LHX8: variants seen among roughly 807,000 people sequenced by gnomAD.
LHX8 encodes LIM/homeobox protein Lhx8.
Under a neutral mutation model 40.3 loss-of-function variants are expected in LHX8, and 12 were observed. The observed-to-expected ratio is 0.30, with a 90% CI of 0.19 to 0.48. The LOEUF (loss-of-function observed/expected upper bound fraction) is 0.48, where lower values mean the gene tolerates loss of function less well. Among genes scored for constraint, LHX8 ranks in the 20% least tolerant of loss-of-function variants. The pLI is 0.99. For missense variants in LHX8, 344 were observed against 433.7 expected, an observed-to-expected ratio of 0.79 and a Z score of 1.84; for synonymous variants, 179 against 162.0, an observed-to-expected ratio of 1.10 and a Z score of -0.80.
the LHX8 span, among the ~76,000 whole-genome samples, chr1:75,170,593 A>G: frequency 6.6e-6 from 1 of 152,232 alleles, no homozygotes; most frequent in Non-Finnish European, 1.5e-5. Flanking sequence ...AAAAAGGATA[A>G]TAAGTTTTAA....
chr1:75,159,223 C>A (rs1055342656), intron 8 of LHX8: 1 of 152,124 alleles, frequency 6.6e-6, no homozygotes, highest in Non-Finnish European at 1.5e-5. Context: ...AGCTAATTAA[C>A]CTGGCCCCAT....
chr1:75,187,224 G>T, the LHX8 span, among the ~76,000 whole-genome samples: 1 of 152,130 alleles, frequency 6.6e-6, no homozygotes, highest in East Asian at 1.9e-4. Flanking sequence ...CCAAAGCACT[G>T]CCATAAAATT....
the LHX8 span, among the ~76,000 whole-genome samples, chr1:75,167,636 A>C: frequency 8.5e-5 from 13 of 152,176 alleles, no homozygotes; most frequent in Non-Finnish European, 1.5e-4. Flanking sequence ...TCTACACTTT[A>C]ATAAGTTTTA....
chr1:75,139,980 C>T (rs1648268442), intron 3 of LHX8, among the ~76,000 whole-genome samples: 1 of 152,100 alleles, frequency 6.6e-6, no homozygotes, highest in Non-Finnish European at 1.5e-5. Context: ...TTGTATGTTA[C>T]TGTTCTTTTA....
At chr1:75,183,308 C>G in the LHX8 span, among the ~76,000 whole-genome samples, 1 of 151,854 alleles carries the variant, frequency 6.6e-6, no homozygotes, top group Non-Finnish European at 1.5e-5. Context: ...GAAGATCACC[C>G]CCAAGACACA....
At chr1:75,163,932 G>A (rs1478598633), downstream of LHX8, among the ~76,000 whole-genome samples, 2 of 152,164 alleles carry the variant, frequency 1.3e-5, no homozygotes, top group Non-Finnish European at 2.9e-5. Flanking sequence ...AGACACACAG[G>A]TGCCATCTAT....
At chr1:75,180,969 G>A in the LHX8 span, among the ~76,000 whole-genome samples, 1 of 152,172 alleles carries the variant, frequency 6.6e-6, no homozygotes, top group Non-Finnish European at 1.5e-5. Context: ...AAGTCTGTTG[G>A]AGTTTGCTGG....
chr1:75,176,185 C>A, the LHX8 span, among the ~76,000 whole-genome samples: 3 of 152,092 alleles, frequency 2.0e-5, no homozygotes, highest in Admixed American at 6.6e-5. Context: ...GGGTATATAC[C>A]CAGTAATGGG....
chr1:75,176,428 A>G, the LHX8 span, among the ~76,000 whole-genome samples: 1 of 152,140 alleles, frequency 6.6e-6, no homozygotes, highest in East Asian at 1.9e-4. Context: ...GCCAGTGATG[A>G]TGAGCATTTT....
At chr1:75,141,153 T>G in intron 4 of LHX8, 47 bp downstream of exon 4, 1 of 1,596,906 alleles carries the variant, frequency 6.3e-7, no homozygotes, top group Non-Finnish European at 8.6e-7. Flanking sequence ...TAAATTATTA[T>G]GCAAAGAGAC....
intron 7 of LHX8, among the ~76,000 whole-genome samples, chr1:75,154,976 C>T (rs567191541): frequency 6.6e-6 from 1 of 152,194 alleles, no homozygotes; most frequent in South Asian, 2.1e-4. Context: ...TGAAGTAAGG[C>T]CAGCTTTTTC....
chr1:75,166,950 A>G, the LHX8 span, among the ~76,000 whole-genome samples: 1 of 152,232 alleles, frequency 6.6e-6, no homozygotes, highest in African/African-American at 2.4e-5. Context: ...CATGTAGGGC[A>G]GGGGATAAGG....
chr1:75,165,691 C>T (rs549977497), downstream of LHX8, among the ~76,000 whole-genome samples: 1 of 152,266 alleles, frequency 6.6e-6, no homozygotes, highest in East Asian at 1.9e-4. Context: ...ACCAAGTAAG[C>T]ACTCAGGGAT....
chr1:75,167,455 C>T, the LHX8 span, among the ~76,000 whole-genome samples: 13 of 152,146 alleles, frequency 8.5e-5, no homozygotes, highest in Admixed American at 6.5e-4. Context: ...CCATCTTTCA[C>T]TAGCTTTCCC....
At chr1:75,179,157 G>C in the LHX8 span, among the ~76,000 whole-genome samples, 2 of 152,144 alleles carry the variant, frequency 1.3e-5, no homozygotes, top group Non-Finnish European at 2.9e-5. Context: ...TGTTGATTTG[G>C]GGTGGAGAGT....
At chr1:75,144,767 G>A (rs1648416730) in intron 6 of LHX8, among the ~76,000 whole-genome samples, 1 of 152,062 alleles carries the variant, frequency 6.6e-6, no homozygotes, top group Non-Finnish European at 1.5e-5. Context: ...TTTGTTGAAC[G>A]CCTATCACAC....
chr1:75,173,344 T>A, the LHX8 span, among the ~76,000 whole-genome samples: 2 of 150,086 alleles, frequency 1.3e-5, no homozygotes, highest in African/African-American at 4.9e-5. Context: ...AGGATTTAAA[T>A]CCAGGTGGTT....
chr1:75,173,748 A>G, the LHX8 span, among the ~76,000 whole-genome samples: 5 of 152,148 alleles, frequency 3.3e-5, no homozygotes, highest in African/African-American at 1.2e-4. Flanking sequence ...GCAAGAAACC[A>G]TCTTAATTTA....
At chr1:75,133,499 A>G (rs957991620), upstream of LHX8, among the ~76,000 whole-genome samples, 2 of 152,200 alleles carry the variant, frequency 1.3e-5, no homozygotes, top group Admixed American at 1.3e-4. Flanking sequence ...ATTCTGTTAA[A>G]GGCCTTTAAG....
Sources: allele counts gnomAD v4.1 joint callset (sites outside exome capture counted in the v4.1 genomes callset), GRCh38; gene constraint gnomAD v4.1.1; transcripts MANE v1.5; gene names NCBI Gene and HGNC (gene_info 2026-07-23, HGNC 2026-07-21).